PTPRM: variants seen among roughly 807,000 people sequenced by gnomAD.
The protein encoded by PTPRM is receptor-type tyrosine-protein phosphatase mu.
In PTPRM, 47 loss-of-function variants were observed where a neutral mutation model predicts 186.7. That is an observed-to-expected ratio of 0.25 (90% CI 0.20 to 0.32). PTPRM has a LOEUF of 0.32. Ranked by LOEUF, PTPRM falls within the 10% of genes least tolerant of loss-of-function variation. The pLI is 1.00. For missense variants in PTPRM, 1,494 were observed against 1,865.0 expected (o/e 0.80, Z 3.66); for synonymous variants, 668 against 674.9 (o/e 0.99, Z 0.16).
chr18:7,942,436 G>A (rs1164991287), intron 5 of PTPRM, among the ~76,000 whole-genome samples: 2 of 152,098 alleles, frequency 1.3e-5, no homozygotes, highest in African/African-American at 2.4e-5. Context: ...ATGGTAATAA[G>A]CGGGGTGCAC....
intron 2 of PTPRM, among the ~76,000 whole-genome samples, chr18:7,819,880 G>C (rs1051441193): frequency 4.6e-5 from 7 of 152,118 alleles, no homozygotes; most frequent in Admixed American, 3.9e-4. Context: ...ATCTCTTCTT[G>C]TTTCATTTTG....
chr18:8,318,048 G>A (rs1010067570), intron 21 of PTPRM, among the ~76,000 whole-genome samples: 8 of 152,080 alleles, frequency 5.3e-5, no homozygotes, highest in East Asian at 1.9e-4. Flanking sequence ...TTTTCAACTT[G>A]TTTTTAAGGG....
chr18:7,966,321 T>C (rs1409661974), intron 7 of PTPRM, among the ~76,000 whole-genome samples: 2 of 152,214 alleles, frequency 1.3e-5, no homozygotes, highest in Admixed American at 6.5e-5. Flanking sequence ...GAATGAGTAA[T>C]ATAAGTAATG....
chr18:8,394,519 G>T lies in PTPRM; in HGVS notation c.4252G>T (p.Val1418Leu), dbSNP rs370769923. 20 of 1,613,520 alleles carry T rather than the reference G, an allele frequency of 1.2e-5. No homozygotes were observed. The highest frequency in any genetic ancestry group is 1.2e-5 in the Non-Finnish European group (14 of 1,179,830). Residue 1418 changes from valine to leucine, a missense_variant, in exon 32 of 33, where the codon GTA becomes TTA. Val to Leu is a conservative substitution (Grantham distance 32, BLOSUM62 1). Coordinates refer to ENST00000580170, the MANE Select transcript of PTPRM (RefSeq NM_001105244.2). ...TGGGACGTTCTGCGCCATCAGCATC[G>T]TATGTGAGATGCTCCGGCACCAGAG... ...RSGTFCAISI[V>L]CEMLRHQRTV... is the part of the protein sequence containing the mutation.
intron 19 of PTPRM, among the ~76,000 whole-genome samples, chr18:8,258,828 G>A (rs1163482583): frequency 6.6e-6 from 1 of 151,610 alleles, no homozygotes; most frequent in East Asian, 1.9e-4. Flanking sequence ...GAGCTGAAAC[G>A]TATCAAAGAC....
At chr18:7,822,045 C>G (rs193159769) in intron 2 of PTPRM, among the ~76,000 whole-genome samples, 57 of 152,314 alleles carry the variant, frequency 3.7e-4, no homozygotes, top group Non-Finnish European at 5.9e-5. Context: ...AATATAGCTG[C>G]TTAAGATGTA....
At chr18:8,303,859 G>A (rs998327750) in intron 20 of PTPRM, among the ~76,000 whole-genome samples, 10 of 152,272 alleles carry the variant, frequency 6.6e-5, no homozygotes, top group East Asian at 1.9e-4. Flanking sequence ...CGGGTAAGGC[G>A]CCAAGCACTT....
intron 2 of PTPRM, among the ~76,000 whole-genome samples, chr18:7,808,258 T>A (rs558503924): frequency 6.6e-6 from 1 of 152,128 alleles, no homozygotes; most frequent in Non-Finnish European, 1.5e-5. Context: ...ATTAGAGCCA[T>A]GTGATGAAGT....
At chr18:8,051,586 A>G (rs1296003) in intron 7 of PTPRM, among the ~76,000 whole-genome samples, 91,567 of 152,014 alleles carry the variant, frequency 0.6, 27,824 homozygotes, top group Non-Finnish European at 0.65. Flanking sequence ...TTTCAGGTTT[A>G]TAAGATTGCA....
At chr18:8,378,043 C>T in intron 26 of PTPRM, 1 of 472,756 alleles carries the variant, frequency 2.1e-6, no homozygotes, top group Non-Finnish European at 3.8e-6. Context: ...TTTCATGGTG[C>T]TGCAGTGCGT....
At chr18:8,126,027 A>ATATATATATATTT (rs57751538) in intron 13 of PTPRM, among the ~76,000 whole-genome samples, 18 of 69,514 alleles carry the variant, frequency 2.6e-4, no homozygotes, top group East Asian at 5.5e-4. Context: ...ATATATATAT[A>ATATATATATATTT]TTTTAAATCA....
intron 23 of PTPRM, among the ~76,000 whole-genome samples, chr18:8,360,364 G>A (rs11665565): frequency 0.28 from 42,191 of 151,770 alleles, 6,150 homozygotes; most frequent in African/African-American, 0.36. Flanking sequence ...AAGGTGGAAC[G>A]GGTCTGGACA....
At chr18:7,623,505 C>T (rs1372130594) in intron 1 of PTPRM, among the ~76,000 whole-genome samples, 7 of 151,926 alleles carry the variant, frequency 4.6e-5, no homozygotes, top group African/African-American at 7.3e-5. Flanking sequence ...TTTCAGTGGT[C>T]GAGATCATCA....
At chr18:8,063,310 T>C (rs965389992) in intron 7 of PTPRM, among the ~76,000 whole-genome samples, 1 of 150,152 alleles carries the variant, frequency 6.7e-6, no homozygotes, top group Non-Finnish European at 1.5e-5. Flanking sequence ...CTCGCCCTGC[T>C]TCGGCTTGCG....
At chr18:7,785,156 G>A (rs185570732) in intron 2 of PTPRM, among the ~76,000 whole-genome samples, 73 of 152,286 alleles carry the variant, frequency 4.8e-4, no homozygotes, top group South Asian at 8.3e-4. Flanking sequence ...AGACATAGGC[G>A]ATGAGCTGGT....
chr18:7,949,382 T>G (rs1224213476), intron 6 of PTPRM, 27 bp downstream of exon 6: 17 of 1,571,424 alleles, frequency 1.1e-5, no homozygotes, highest in Non-Finnish European at 1.4e-5. Context: ...TATACCAGAA[T>G]ATTCTTCTAA....
intron 1 of PTPRM, among the ~76,000 whole-genome samples, chr18:7,642,164 G>C (rs2038458170): frequency 6.6e-6 from 1 of 152,162 alleles, no homozygotes; most frequent in South Asian, 2.1e-4. Flanking sequence ...GAGAAAAATT[G>C]TACCAAAATA....
chr18:7,890,777 T>C (rs1200238765), intron 3 of PTPRM, among the ~76,000 whole-genome samples: 1 of 152,138 alleles, frequency 6.6e-6, no homozygotes, highest in East Asian at 1.9e-4. Context: ...TTTCCAACAA[T>C]AGAGGATTTG....
At chr18:8,022,584 C>T (rs1466046978) in intron 7 of PTPRM, among the ~76,000 whole-genome samples, 2 of 152,110 alleles carry the variant, frequency 1.3e-5, no homozygotes, top group Non-Finnish European at 2.9e-5. Flanking sequence ...CAGGTCTCCA[C>T]CCACCGTTAT....
Sources: allele counts gnomAD v4.1 joint callset (sites outside exome capture counted in the v4.1 genomes callset), GRCh38; gene constraint gnomAD v4.1.1; transcripts MANE v1.5; gene names NCBI Gene and HGNC (gene_info 2026-07-23, HGNC 2026-07-21).